Variants in ADGRE3 observed in about 807,000 individuals in gnomAD.
The protein encoded by ADGRE3 is adhesion G protein-coupled receptor E3.
Under a neutral mutation model 80.1 loss-of-function variants are expected in ADGRE3, and 88 were observed. The observed-to-expected ratio is 1.10, with a 90% CI of 0.93 to 1.31. The LOEUF is 1.31. Among genes scored for constraint, ADGRE3 ranks in the 40% most tolerant of loss-of-function variants. The pLI is 0.00. For missense variants in ADGRE3, 715 were observed against 776.5 expected (o/e 0.92, Z 0.94); for synonymous variants, 281 against 294.8 (o/e 0.95, Z 0.48).
chr19:14,658,295 T>C (rs112230362), intron 5 of ADGRE3, among the ~76,000 whole-genome samples: 99 of 150,516 alleles, frequency 6.6e-4, no homozygotes, highest in African/African-American at 2.3e-3. Flanking sequence ...ATATAATATA[T>C]GAATATGTAC....
chr19:14,626,298 G>A (rs1970737565), intron 14 of ADGRE3, among the ~76,000 whole-genome samples: 1 of 151,962 alleles, frequency 6.6e-6, no homozygotes, highest in African/African-American at 2.4e-5. Flanking sequence ...TTAGATGGGA[G>A]TGGTGGCTCA....
At chr19:14,668,663 A>G (rs774897342) in intron 2 of ADGRE3, 139 bp downstream of exon 2, 5 of 602,986 alleles carry the variant, frequency 8.3e-6, no homozygotes, top group Non-Finnish European at 1.2e-5. Context: ...TTAAGCAAAC[A>G]AATAATGAAA....
At chr19:14,634,046 GGATTAC>G (rs1222205289) in intron 11 of ADGRE3, among the ~76,000 whole-genome samples, 60 of 152,048 alleles carry the variant, frequency 3.9e-4, no homozygotes, top group African/African-American at 1.3e-3. Flanking sequence ...CAAAGTGCTG[GGATTAC>G]AGGCGTGAGC....
At chr19:14,652,514 T>G (rs1488169694) in intron 6 of ADGRE3, among the ~76,000 whole-genome samples, 1 of 151,636 alleles carries the variant, frequency 6.6e-6, no homozygotes, top group African/African-American at 2.4e-5. Flanking sequence ...GTGCAGTGGC[T>G]CATGCCTGAA....
intron 8 of ADGRE3, 46 bp from the exon 9 acceptor site, chr19:14,644,321 C>CT: frequency 2.3e-6 from 3 of 1,306,962 alleles, no homozygotes; most frequent in South Asian, 1.8e-5. Context: ...GTCTTTCTTT[C>CT]TTTCTTTTTT....
chr19:14,661,758 G>A (rs1971949123), intron 4 of ADGRE3, among the ~76,000 whole-genome samples: 1 of 152,112 alleles, frequency 6.6e-6, no homozygotes, highest in African/African-American at 2.4e-5. Context: ...AAATTAGCTG[G>A]GCGTCGTGGT....
chr19:14,617,341 C>CCTCTCTCTCTCTCTCTTTCTTT, downstream of ADGRE3, among the ~76,000 whole-genome samples: 1 of 57,170 alleles, frequency 1.7e-5, no homozygotes, highest in African/African-American at 5.9e-5. Context: ...TCCCTCCCTC[C>CCTCTCTCTCTCTCTCTTTCTTT]CTTTCTTTCT....
At position 14,630,177 on chromosome 19, in the gene ADGRE3, G is replaced by C. The variant is rs1375098911; in HGVS notation, c.1674C>G (p.Leu558=). Residue 558 remains leucine (L), a synonymous_variant, in exon 14 of 16, where the codon CTC becomes CTG. Transcript: ENST00000253673. The part of the protein sequence containing the change: ...RMLAFKATAQ[L]FILGCTWCLG... ...GACACCATGTGCAGCCCAGGATGAA[G>C]AGCTGAGCTGTTGCTTTGAAAGCCA... The C allele has an allele frequency of 6.2e-7, 1 of 1,607,194 alleles. No individual in the cohort carries two copies. The highest frequency in any genetic ancestry group is 1.7e-5 in the Admixed American group (1 of 58,908).
At chr19:14,611,080 T>C in the ADGRE3 span, 2 of 151,694 alleles carry the variant, frequency 1.3e-5, no homozygotes, top group Non-Finnish European at 2.9e-5. Flanking sequence ...TAGATCTGCC[T>C]CGCACAGAAA....
chr19:14,639,225 A>G (rs1971182014), intron 10 of ADGRE3, among the ~76,000 whole-genome samples: 1 of 152,196 alleles, frequency 6.6e-6, no homozygotes, highest in African/African-American at 2.4e-5. Flanking sequence ...TTCACCACAA[A>G]GAAATGATAA....
At chr19:14,620,547 A>ATT (rs1479675515) in intron 15 of ADGRE3, among the ~76,000 whole-genome samples, 1 of 13,948 alleles carries the variant, frequency 7.2e-5, no homozygotes, top group South Asian at 4.0e-3. Flanking sequence ...TTATATATAT[A>ATT]TTATATATAT....
intron 7 of ADGRE3, among the ~76,000 whole-genome samples, chr19:14,648,853 T>A (rs1394619371): frequency 6.6e-6 from 1 of 152,140 alleles, no homozygotes; most frequent in East Asian, 1.9e-4. Context: ...CTGCAGATTT[T>A]GGACATGTCG....
Position 14,647,292 on chromosome 19 carries a change from C to G in ADGRE3, c.771G>C (p.Met257Ile). Reference protein sequence around the residue: ...NIINATFFEEMDKKDQVYLNS... With the variant: ...NIINATFFEEIDKKDQVYLNS... ...TCAGATACACTTGATCTTTCTTATCCATCTCTTCAAAAAAAGTTGCATTTA... is the reference window on the plus strand; with the variant it reads ...TCAGATACACTTGATCTTTCTTATCGATCTCTTCAAAAAAAGTTGCATTTA... Residue 257 changes from methionine (M) to isoleucine (I), a missense_variant, in exon 8 of 16, where the codon ATG (methionine) becomes ATC (isoleucine). Physicochemically the swap from Met to Ile is conservative, Grantham distance 10. Coordinates refer to ENST00000253673, the MANE Select transcript of ADGRE3 (RefSeq NM_032571.5). 6.2e-7 allele frequency: 1 copy of G among 1,613,150 alleles called. No individual in the cohort carries two copies. Among genetic ancestry groups the G allele is most frequent in the Non-Finnish European group, 8.5e-7 (1 of 1,179,246 alleles).
chr19:14,617,381 T>TCTTTCTTTCTTTCTTTCTTTCTTTCTTC (rs2075087722), downstream of ADGRE3, among the ~76,000 whole-genome samples: 5 of 131,008 alleles, frequency 3.8e-5, no homozygotes, highest in South Asian at 1.3e-3. Flanking sequence ...TTTCTTCCTT[T>TCTTTCTTTCTTTCTTTCTTTCTTTCTTC]CTTTCTTTCT....
intron 1 of ADGRE3, among the ~76,000 whole-genome samples, chr19:14,672,400 G>A (rs1972280783): frequency 6.6e-6 from 1 of 152,154 alleles, no homozygotes; most frequent in South Asian, 2.1e-4. Context: ...GCAAATTTGG[G>A]TAAGTTGTTT....
chr19:14,659,537 T>C (rs1971877923), intron 4 of ADGRE3, among the ~76,000 whole-genome samples: 1 of 151,898 alleles, frequency 6.6e-6, no homozygotes, highest in African/African-American at 2.4e-5. Context: ...CATCTCTGCT[T>C]TAGAAATTTG....
chr19:14,649,512 C>A lies in ADGRE3; in HGVS notation c.697+1573G>T, dbSNP rs150094009. On this transcript the variant is annotated intron_variant, in intron 7 of 15. Coordinates refer to ENST00000253673, the MANE Select transcript of ADGRE3 (RefSeq NM_032571.5). ...TCTCTCTCCATCTCTCTTTTTCCAT[C>A]TCTCTCTCTCCATCCCTCTTTTCAT... is the stretch of plus-strand genomic sequence containing the variant. Among the ~76,000 whole-genome samples, 12 of 150,338 alleles carry A rather than the reference C, an allele frequency of 8.0e-5. No homozygotes were observed. In the East Asian group the frequency reaches 2.4e-3, roughly 30 times the overall value.
intron 2 of ADGRE3, among the ~76,000 whole-genome samples, chr19:14,665,936 G>GTATATATATGCATACATACATATATATA (rs71166783): frequency 1.4e-4 from 6 of 42,098 alleles, no homozygotes; most frequent in African/African-American, 6.9e-4. Flanking sequence ...ACACATATGT[G>GTATATATATGCATACATACATATATATA]TATATATATA....
intron 1 of ADGRE3, among the ~76,000 whole-genome samples, chr19:14,672,369 A>AC (rs1972280358): frequency 6.6e-6 from 1 of 152,236 alleles, no homozygotes; most frequent in Admixed American, 6.5e-5. Flanking sequence ...CCTGGGGTTA[A>AC]GTGGCTGGCA....
Sources: gnomAD v4.1 joint callset for allele counts (sites outside exome capture counted in the v4.1 genomes callset) on GRCh38, gnomAD v4.1.1 for gene constraint, MANE v1.5 for transcripts, NCBI Gene and HGNC (gene_info 2026-07-23, HGNC 2026-07-21) for gene names.